The following CORO2A variants were observed in gnomAD, a reference collection of about 807,000 sequenced individuals.
The protein encoded by CORO2A is coronin 2A, also known as coronin-2A.
Under a neutral mutation model 62.4 loss-of-function variants are expected in CORO2A, and 47 were observed. The ratio of observed to expected loss-of-function variants is 0.75; its 90% CI spans 0.60 to 0.96. CORO2A has a LOEUF of 0.96. CORO2A is among the 40% of genes least tolerant of loss of function. The pLI is 0.00. For missense variants in CORO2A, 610 were observed against 684.1 expected, an observed-to-expected ratio of 0.89 and a Z score of 1.21; for synonymous variants, 273 against 268.9, an observed-to-expected ratio of 1.02 and a Z score of -0.15.
intron 1 of CORO2A, among the ~76,000 whole-genome samples, chr9:98,182,176 T>A (rs1828185638): frequency 6.6e-6 from 1 of 152,230 alleles, no homozygotes; most frequent in Non-Finnish European, 1.5e-5. Flanking sequence ...TTTGCTGTGC[T>A]TGGTATCTCT....
chr9:98,181,521 T>C (rs906253069), intron 1 of CORO2A, among the ~76,000 whole-genome samples: 4 of 151,972 alleles, frequency 2.6e-5, no homozygotes, highest in African/African-American at 9.7e-5. Context: ...CCACCAACCA[T>C]CTTGCCCTTG....
At chr9:98,154,327 GTGTATA>G (rs377039626) in intron 2 of CORO2A, among the ~76,000 whole-genome samples, 1,902 of 93,288 alleles carry the variant, frequency 0.02, 79 homozygotes, top group African/African-American at 0.055. Flanking sequence ...ATGTGTTTGT[GTGTATA>G]TATATATATA....
intron 2 of CORO2A, among the ~76,000 whole-genome samples, chr9:98,145,917 GGC>G (rs760257168): frequency 1.3e-5 from 2 of 152,134 alleles, no homozygotes; most frequent in African/African-American, 2.4e-5. Context: ...TTGGTATGTT[GGC>G]CAGGCTAGTC....
At chr9:98,188,906 C>T (rs1828272558) in intron 1 of CORO2A, among the ~76,000 whole-genome samples, 1 of 152,102 alleles carries the variant, frequency 6.6e-6, no homozygotes, top group Non-Finnish European at 1.5e-5. Context: ...GCACTTAGGA[C>T]AGAATTAGGC....
intron 11 of CORO2A, among the ~76,000 whole-genome samples, chr9:98,125,484 G>A (rs528705399): frequency 3.0e-4 from 46 of 152,292 alleles, no homozygotes; most frequent in South Asian, 4.1e-4. Context: ...ATCCATCTGT[G>A]AGATGCCAGC....
chr9:98,134,517 T>C (rs1827456782), intron 4 of CORO2A, among the ~76,000 whole-genome samples: 3 of 152,084 alleles, frequency 2.0e-5, no homozygotes, highest in Admixed American at 2.0e-4. Flanking sequence ...AATCCAATGA[T>C]AGTTGCTCTC....
intron 1 of CORO2A, among the ~76,000 whole-genome samples, chr9:98,167,233 TTA>T (rs1475645175): frequency 1.3e-5 from 2 of 152,142 alleles, no homozygotes; most frequent in Admixed American, 1.3e-4. Context: ...ATGATTCCAC[TTA>T]TATGAGTTAC....
At chr9:98,176,129 CG>C (rs1564217906) in intron 1 of CORO2A, among the ~76,000 whole-genome samples, 1 of 152,084 alleles carries the variant, frequency 6.6e-6, no homozygotes, top group African/African-American at 2.4e-5. Flanking sequence ...AAACATTCGG[CG>C]GGGGGTGAGG....
At chr9:98,139,799 C>G (rs914614461) in intron 2 of CORO2A, among the ~76,000 whole-genome samples, 1 of 152,066 alleles carries the variant, frequency 6.6e-6, no homozygotes, top group Non-Finnish European at 1.5e-5. Context: ...CTGTCTCAAA[C>G]AAAAAACAAA....
intron 1 of CORO2A, among the ~76,000 whole-genome samples, chr9:98,186,090 T>C (rs1383608103): frequency 6.6e-6 from 1 of 152,102 alleles, no homozygotes; most frequent in African/African-American, 2.4e-5. Context: ...CCCTACAAAC[T>C]CCAGGCTCAA....
intron 7 of CORO2A, 140 bp from the exon 8 acceptor site, chr9:98,130,030 C>G (rs779541189): frequency 9.3e-5 from 58 of 622,494 alleles, no homozygotes; most frequent in Non-Finnish European, 1.5e-4. Context: ...CACCAGGAAA[C>G]TGGGGGCCCT....
In CORO2A at chr9:98,124,216, A is replaced by G. The variant is rs1379685785; in HGVS notation, c.*558T>C. The G allele has an allele frequency of 6.6e-6, 1 of 152,066 alleles. No individual in the cohort carries two copies. Among genetic ancestry groups the G allele is most frequent in the Non-Finnish European group, 1.5e-5 (1 of 68,026 alleles). The allele number at this position is 152,066 out of a possible 1,614,324, so 9.4% of individuals were successfully genotyped here. ...TTTTTAGTAGAGATGGGGTTTCACCATGTTGGTCAGGCTGGTCTCGAACTG... is the reference window on the plus strand; with the variant it reads ...TTTTTAGTAGAGATGGGGTTTCACCGTGTTGGTCAGGCTGGTCTCGAACTG... On this transcript the variant is annotated 3_prime_UTR_variant, in exon 12 of 12. Coordinates refer to ENST00000375077, the MANE Select transcript of CORO2A (RefSeq NM_052820.4).
intron 6 of CORO2A, among the ~76,000 whole-genome samples, chr9:98,131,967 C>A (rs777664098): frequency 8.5e-5 from 13 of 152,186 alleles, no homozygotes; most frequent in Non-Finnish European, 1.6e-4. Flanking sequence ...TCCCCTGGGT[C>A]CTGACCCATC....
In CORO2A at chr9:98,189,134, G is replaced by A. The variant is rs114656563; in HGVS notation, c.-1+3425C>T. Among the ~76,000 whole-genome samples, 297 of 152,222 alleles carry A rather than the reference G, an allele frequency of 2.0e-3. 2 individuals are homozygous for A. Among genetic ancestry groups the A allele is most frequent in the African/African-American group, 6.9e-3 (285 of 41,542 alleles). ...CATTTAGGCTGAACCAAATGAAATT[G>A]CCATTTCTTGTAAGTCAAAAAAAGT... On this transcript the variant is annotated intron_variant, in intron 1 of 11. Coordinates refer to ENST00000375077, the MANE Select transcript of CORO2A (RefSeq NM_052820.4).
chr9:98,158,059 GT>G (rs1398711880), intron 1 of CORO2A, among the ~76,000 whole-genome samples: 2 of 152,232 alleles, frequency 1.3e-5, no homozygotes, highest in Non-Finnish European at 2.9e-5. Flanking sequence ...GCCTGCCTGG[GT>G]TTCAATCCCA....
chr9:98,162,388 A>G lies in CORO2A; in HGVS notation c.1-4728T>C, dbSNP rs115718364. On this transcript the variant is annotated intron_variant, in intron 1 of 11. Coordinates refer to ENST00000375077, the MANE Select transcript of CORO2A (RefSeq NM_052820.4). ...CTAGAACCCTCTGGAAAGGCTCCCCACTTCCCCACGGATGAAGCCAGCTGA... is the reference window on the plus strand; with the variant it reads ...CTAGAACCCTCTGGAAAGGCTCCCCGCTTCCCCACGGATGAAGCCAGCTGA... 1.2e-3 allele frequency among the ~76,000 whole-genome samples: 179 copies of G among 152,230 alleles called. 1 individual carries two copies. Among genetic ancestry groups the G allele is most frequent in the African/African-American group, 4.1e-3 (172 of 41,540 alleles).
Position 98,162,731 on chromosome 9 carries a change from A to C in CORO2A, c.1-5071T>G, listed in dbSNP as rs551254438. On this transcript the variant is annotated intron_variant, in intron 1 of 11. Coordinates refer to ENST00000375077, the MANE Select transcript of CORO2A (RefSeq NM_052820.4). Reference sequence around the variant, plus strand: ...TTTGTGGGTGTGCATGCACGTGTGCATCCCTTTGGATGTTTAACTGAGGCT... The same window carrying C: ...TTTGTGGGTGTGCATGCACGTGTGCCTCCCTTTGGATGTTTAACTGAGGCT... Among the ~76,000 whole-genome samples the C allele has an allele frequency of 4.6e-5, 7 of 152,370 alleles. No homozygotes were observed. The South Asian group carries it at 1.2e-3, about 27-fold the overall frequency.
At chr9:98,149,656 G>A (rs531768417) in intron 2 of CORO2A, among the ~76,000 whole-genome samples, 193 of 152,210 alleles carry the variant, frequency 1.3e-3, no homozygotes, top group African/African-American at 4.5e-3. Context: ...TTATCACAGG[G>A]AGGGCATCAA....
At chr9:98,189,662 C>T (rs543547233) in intron 1 of CORO2A, among the ~76,000 whole-genome samples, 1 of 152,130 alleles carries the variant, frequency 6.6e-6, no homozygotes, top group South Asian at 2.1e-4. Context: ...GGGAACGGAT[C>T]GGCCCAAGGT....
Sources: gnomAD v4.1 joint callset for allele counts (sites outside exome capture counted in the v4.1 genomes callset) on GRCh38, gnomAD v4.1.1 for gene constraint, MANE v1.5 for transcripts, NCBI Gene and HGNC (gene_info 2026-07-23, HGNC 2026-07-21) for gene names.